PPIE: variants seen among roughly 807,000 people sequenced by gnomAD.
PPIE encodes peptidyl-prolyl cis-trans isomerase E.
Under a neutral mutation model 38.4 loss-of-function variants are expected in PPIE, and 20 were observed. The observed-to-expected ratio is 0.52, with a 90% confidence interval of 0.37 to 0.76. The LOEUF (loss-of-function observed/expected upper bound fraction) is 0.76, where lower values mean the gene tolerates loss of function less well. Among genes scored for constraint, PPIE ranks in the 30% least tolerant of loss-of-function variants. The pLI is 0.00. For missense variants in PPIE, 322 were observed against 385.8 expected (o/e 0.83, Z 1.39); for synonymous variants, 142 against 135.7 (o/e 1.05, Z -0.32).
intron 1 of PPIE, chr1:39,739,951 A>C: frequency 2.1e-6 from 1 of 485,284 alleles, no homozygotes; most frequent in Middle Eastern, 5.3e-4. Context: ...AAGCTATTGC[A>C]GTAATCCCAG....
Position 39,755,706 on chromosome 1 carries a change from G to C in PPIE, c.*2351G>C, listed in dbSNP as rs1648194005. 2.0e-6 allele frequency: 2 copies of C among 985,308 alleles called. No individual in the cohort carries two copies. Among genetic ancestry groups the C allele is most frequent in the Admixed American group, 1.2e-4 (2 of 16,268 alleles). 61.0% of individuals were successfully genotyped at this position (985,308 alleles called of 1,614,324 possible). On this transcript the variant is annotated 3_prime_UTR_variant, in exon 10 of 10. Coordinates refer to ENST00000324379, the MANE Select transcript of PPIE (RefSeq NM_006112.4). ...CTGTTCCTCCCTGATACTCTGGGGAGGTGGAGGCCAGTGGGCAGTTCTGAA... is the reference window on the plus strand; with the variant it reads ...CTGTTCCTCCCTGATACTCTGGGGACGTGGAGGCCAGTGGGCAGTTCTGAA...
At chr1:39,743,688 T>C (rs998380131) in intron 5 of PPIE, 136 bp from the exon 6 acceptor site, 4 of 674,156 alleles carry the variant, frequency 5.9e-6, no homozygotes, top group Non-Finnish European at 7.5e-6. Flanking sequence ...GAACTTTCCT[T>C]ACCCCTGGGA....
chr1:39,751,228 CATGG>C (rs1296484671), intron 8 of PPIE, among the ~76,000 whole-genome samples: 1 of 152,140 alleles, frequency 6.6e-6, no homozygotes, highest in Non-Finnish European at 1.5e-5. Flanking sequence ...TAGAAGATTC[CATGG>C]AAAATCAAAA....
chr1:39,755,967 G>A lies in PPIE; in HGVS notation c.*2612G>A, dbSNP rs958140564. The A allele has an allele frequency of 8.1e-6, 8 of 985,294 alleles. No homozygotes were observed. Among genetic ancestry groups the A allele is most frequent in the African/African-American group, 1.7e-5 (1 of 57,240 alleles). The allele number at this position is 985,294 out of a possible 1,614,324, so 61.0% of individuals were successfully genotyped here. ...GTTTACTAGGCTTTAGCCTCAATCT[G>A]TGGCGGCAGGGTCCACAGCCCTGGG... On this transcript the variant is annotated 3_prime_UTR_variant, in exon 10 of 10. Coordinates refer to ENST00000324379, the MANE Select transcript of PPIE (RefSeq NM_006112.4).
intron 1 of PPIE, 98 bp from the exon 2 acceptor site, chr1:39,740,067 A>G: frequency 1.2e-6 from 1 of 826,984 alleles, no homozygotes; most frequent in Non-Finnish European, 2.0e-6. Flanking sequence ...AACTGAATGG[A>G]AGGGTCCTGT....
In PPIE at chr1:39,744,027, G is replaced by A; in HGVS notation, c.384+103G>A. On this transcript the variant is annotated intron_variant, in intron 6 of 9. Transcript: ENST00000324379. ...AATTTGCCAATATGTATATCAAAGT[G>A]GAGGGAATGAATAATGAATTCTTAG... 3 of 681,326 alleles carry A rather than the reference G, an allele frequency of 4.4e-6. No individual in the cohort carries two copies. In the South Asian group the frequency reaches 6.1e-5, roughly 14 times the overall value. 42.2% of individuals were successfully genotyped at this position (681,326 alleles called of 1,614,324 possible).
At position 39,754,239 on chromosome 1, in the gene PPIE, C is replaced by A; in HGVS notation, c.*884C>A. The A allele has an allele frequency of 8.4e-6, 2 of 237,478 alleles. No homozygotes were observed. Among genetic ancestry groups the A allele is most frequent in the Non-Finnish European group, 1.4e-5 (2 of 146,000 alleles). The allele number at this position is 237,478 out of a possible 1,614,324, so 14.7% of individuals were successfully genotyped here. On this transcript the variant is annotated 3_prime_UTR_variant, in exon 10 of 10. Coordinates refer to ENST00000324379, the MANE Select transcript of PPIE (RefSeq NM_006112.4). ...AGAGGTGCGTAAGGGGCTATAGACA[C>A]AATACAGGCTATGGTCCCTGTATTA... is the stretch of plus-strand genomic sequence containing the variant.
Position 39,752,944 on chromosome 1 carries a change from C to T in PPIE, c.729C>T (p.Thr243=), listed in dbSNP as rs1569707801. ...LLSMANSGPN[T]NGSQFFLTCD... The stretch of plus-strand genomic sequence containing the variant: ...CCATGGCCAACTCTGGCCCAAACAC[C>T]AATGGCTCTCAGTTCTTCCTGACAT... The change falls in exon 9 of 10, where the codon ACC becomes ACT. Residue 243 remains threonine, a synonymous_variant. Coordinates refer to ENST00000324379, the MANE Select transcript of PPIE (RefSeq NM_006112.4). The T allele has an allele frequency of 3.7e-6, 6 of 1,614,166 alleles. No homozygotes were observed. Among genetic ancestry groups the T allele is most frequent in the Non-Finnish European group, 5.1e-6 (6 of 1,180,014 alleles).
intron 9 of PPIE, chr1:39,762,479 C>T (rs540323541): frequency 4.2e-4 from 650 of 1,538,128 alleles, no homozygotes; most frequent in South Asian, 1.2e-3. Flanking sequence ...GTGAGCAGCA[C>T]CAGTGATCCC....
chr1:39,755,599 G>C lies in PPIE; in HGVS notation c.*2244G>C. On this transcript the variant is annotated 3_prime_UTR_variant, in exon 10 of 10. Coordinates refer to ENST00000324379, the MANE Select transcript of PPIE (RefSeq NM_006112.4). ...ATGATAGCACTGACTTCAGTGCTTG[G>C]ACGAGAACCAGGAGAGAGTGTGTAG... is the stretch of plus-strand genomic sequence containing the variant. 1.0e-6 allele frequency: 1 copy of C among 985,414 alleles called. No homozygotes were observed. Among genetic ancestry groups the C allele is most frequent in the Non-Finnish European group, 1.2e-6 (1 of 829,924 alleles). The allele number at this position is 985,414 out of a possible 1,614,324, so 61.0% of individuals were successfully genotyped here. A position where few individuals can be genotyped will look rare whatever the true frequency, so the allele number is the denominator to read the frequency against.
downstream of PPIE, among the ~76,000 whole-genome samples, chr1:39,760,895 G>C (rs1648873748): frequency 6.6e-6 from 1 of 152,058 alleles, no homozygotes; most frequent in Admixed American, 6.5e-5. Context: ...TGTGTGGCCA[G>C]GTTTGTGCCC....
In PPIE at chr1:39,756,713, T is replaced by A; in HGVS notation, c.*3358T>A. 1.7e-6 allele frequency: 1 copy of A among 600,270 alleles called. No homozygotes were observed. The highest frequency in any genetic ancestry group is 7.4e-5 in the South Asian group (1 of 13,466). 37.2% of individuals were successfully genotyped at this position (600,270 alleles called of 1,614,324 possible). ...TAAAAATATCTGTAATATGTAAGCATAGGTATTTGTATATCTTAAGAAAAA... is the reference window on the plus strand; with the variant it reads ...TAAAAATATCTGTAATATGTAAGCAAAGGTATTTGTATATCTTAAGAAAAA... On this transcript the variant is annotated 3_prime_UTR_variant, in exon 10 of 10. Transcript: ENST00000324379.
chr1:39,747,996 G>C (rs1470005313), intron 7 of PPIE: 1 of 152,088 alleles, frequency 6.6e-6, no homozygotes, highest in Non-Finnish European at 1.5e-5. Context: ...GCAGTGGTGA[G>C]AACATGGCTT....
chr1:39,763,358 C>G (rs996248840), intron 9 of PPIE, among the ~76,000 whole-genome samples: 1 of 146,238 alleles, frequency 6.8e-6, no homozygotes, highest in African/African-American at 2.6e-5. Context: ...AGCTCAGGCC[C>G]AACATCCCCC....
intron 9 of PPIE, among the ~76,000 whole-genome samples, chr1:39,761,968 G>A (rs1295335892): frequency 6.6e-6 from 1 of 152,232 alleles, no homozygotes; most frequent in East Asian, 1.9e-4. Context: ...AGAGGAGATG[G>A]AGTCTGGGAG....
At chr1:39,759,661 A>G (rs1474051656), downstream of PPIE, 2 of 152,260 alleles carry the variant, frequency 1.3e-5, no homozygotes, top group East Asian at 1.9e-4. Flanking sequence ...GTGGGGCAAC[A>G]TGGTGGCAGA....
chr1:39,740,846 A>G (rs1312579519), intron 2 of PPIE, among the ~76,000 whole-genome samples: 1 of 152,186 alleles, frequency 6.6e-6, no homozygotes, highest in Non-Finnish European at 1.5e-5. Flanking sequence ...GGAAATCTTT[A>G]TTTGCAAAAT....
At chr1:39,738,973 AC>A (rs1646989604) in intron 1 of PPIE, 42 bp downstream of exon 1, 4 of 1,418,298 alleles carry the variant, frequency 2.8e-6, no homozygotes, top group South Asian at 1.7e-5. Flanking sequence ...AGTGAACGCG[AC>A]CCCCAAGGGT....
At position 39,756,158 on chromosome 1, in the gene PPIE, C is replaced by T. The variant is rs1648246719; in HGVS notation, c.*2803C>T. The T allele has an allele frequency of 2.0e-6, 2 of 985,332 alleles. No individual in the cohort carries two copies. The highest frequency in any genetic ancestry group is 2.4e-6 in the Non-Finnish European group (2 of 829,946). The allele number at this position is 985,332 out of a possible 1,614,324, so 61.0% of individuals were successfully genotyped here. A position where few individuals can be genotyped will look rare whatever the true frequency, so the allele number is the denominator to read the frequency against. ...TCGGCTACGCACCATGCAGCAGCTG[C>T]ACCTGGCTGCCTCGGGAAAACTCTG... is the stretch of plus-strand genomic sequence containing the variant. On this transcript the variant is annotated 3_prime_UTR_variant, in exon 10 of 10. Transcript: ENST00000324379.
Sources: gnomAD v4.1 joint callset for allele counts (sites outside exome capture counted in the v4.1 genomes callset) on GRCh38, gnomAD v4.1.1 for gene constraint, MANE v1.5 for transcripts, NCBI Gene and HGNC (gene_info 2026-07-23, HGNC 2026-07-21) for gene names.